ENOX1: variants seen among roughly 807,000 people sequenced by gnomAD.
ENOX1 encodes candidate growth-related and time keeping constitutive hydroquinone (NADH) oxidase.
A neutral mutation model predicts 82.5 loss-of-function variants in ENOX1; 42 were observed. The ratio of observed to expected loss-of-function variants is 0.51; its 90% CI spans 0.40 to 0.66. The LOEUF (loss-of-function observed/expected upper bound fraction) is 0.66, where lower values mean the gene tolerates loss of function less well. Among genes scored for constraint, ENOX1 ranks in the 30% least tolerant of loss-of-function variants. ENOX1 has a pLI of 0.00. For missense variants in ENOX1, 608 were observed against 811.6 expected (o/e 0.75, Z 3.05); for synonymous variants, 271 against 282.2 (o/e 0.96, Z 0.40).
intron 1 of ENOX1, among the ~76,000 whole-genome samples, chr13:43,670,637 TG>T (rs2085214695): frequency 2.0e-5 from 3 of 152,026 alleles, no homozygotes; most frequent in Non-Finnish European, 4.4e-5. Flanking sequence ...GTGGATCACT[TG>T]AGGTCAGGAG....
chr13:43,226,607 G>A (rs2042034726), intron 15 of ENOX1, among the ~76,000 whole-genome samples: 1 of 152,240 alleles, frequency 6.6e-6, no homozygotes, highest in African/African-American at 2.4e-5. Context: ...GGTGAGTGGG[G>A]CTTTCACTGA....
chr13:43,693,713 T>C (rs1438588367), intron 1 of ENOX1, among the ~76,000 whole-genome samples: 1 of 152,190 alleles, frequency 6.6e-6, no homozygotes, highest in Admixed American at 6.5e-5. Flanking sequence ...ATGCACAGGT[T>C]ACCAGGACAT....
At chr13:43,593,324 C>T (rs983602754) in intron 2 of ENOX1, among the ~76,000 whole-genome samples, 1 of 152,038 alleles carries the variant, frequency 6.6e-6, no homozygotes, top group Non-Finnish European at 1.5e-5. Flanking sequence ...CATCAGAGAT[C>T]AGAAATAAAA....
At chr13:43,707,731 C>CAAAAAAA (rs1379285097) in intron 1 of ENOX1, among the ~76,000 whole-genome samples, 2 of 49,218 alleles carry the variant, frequency 4.1e-5, no homozygotes, top group Non-Finnish European at 7.5e-5. Context: ...GACTCTGTCT[C>CAAAAAAA]AAAAAAAAAA....
intron 11 of ENOX1, among the ~76,000 whole-genome samples, chr13:43,311,355 G>A (rs1369361555): frequency 8.3e-5 from 4 of 48,044 alleles, no homozygotes; most frequent in Non-Finnish European, 1.4e-4. Context: ...GATTAAATAG[G>A]TAATAGGGTT....
intron 3 of ENOX1, among the ~76,000 whole-genome samples, chr13:43,428,386 T>A (rs1326546928): frequency 6.6e-6 from 1 of 152,174 alleles, no homozygotes; most frequent in African/African-American, 2.4e-5. Flanking sequence ...GAGCTTGGGA[T>A]AAAGAAGGTA....
chr13:43,528,242 G>A (rs928385377), intron 2 of ENOX1, among the ~76,000 whole-genome samples: 1 of 152,066 alleles, frequency 6.6e-6, no homozygotes, highest in Non-Finnish European at 1.5e-5. Context: ...AAAGGGTACA[G>A]AAGCCAACAG....
intron 11 of ENOX1, among the ~76,000 whole-genome samples, chr13:43,306,867 TG>T (rs2046900294): frequency 1.3e-5 from 2 of 152,198 alleles, no homozygotes; most frequent in Non-Finnish European, 2.9e-5. Flanking sequence ...GTATTTGAAT[TG>T]GTGCTTCTAC....
At chr13:43,445,037 G>T (rs1193605274) in intron 3 of ENOX1, among the ~76,000 whole-genome samples, 1 of 152,066 alleles carries the variant, frequency 6.6e-6, no homozygotes, top group African/African-American at 2.4e-5. Context: ...GACTGGACTG[G>T]ACTCTTTTCC....
chr13:43,628,674 A>G (rs1594172042), intron 2 of ENOX1, among the ~76,000 whole-genome samples: 1 of 152,214 alleles, frequency 6.6e-6, no homozygotes, highest in East Asian at 1.9e-4. Context: ...GAGATTTTCA[A>G]TTGAAAGCTG....
intron 3 of ENOX1, among the ~76,000 whole-genome samples, chr13:43,473,625 C>A (rs766614083): frequency 6.6e-6 from 1 of 152,284 alleles, no homozygotes; most frequent in East Asian, 1.9e-4. Flanking sequence ...CTCCAGCATA[C>A]GCACTCATCT....
chr13:43,706,406 A>G (rs1056956828), intron 1 of ENOX1, among the ~76,000 whole-genome samples: 1 of 152,048 alleles, frequency 6.6e-6, no homozygotes, highest in Non-Finnish European at 1.5e-5. Context: ...AACACAATTT[A>G]CAATTATCAC....
At chr13:43,756,412 G>A (rs1286281875) in intron 1 of ENOX1, among the ~76,000 whole-genome samples, 7 of 145,794 alleles carry the variant, frequency 4.8e-5, no homozygotes, top group Non-Finnish European at 7.5e-5. Context: ...CGGCCTGGGC[G>A]ACAGAGCGAG....
Position 43,645,328 on chromosome 13 carries a change from AT to A in ENOX1, c.-219+22150del, listed in dbSNP as rs558122865. ...AGGTGCATGCCACGATGTCCAGTTA[AT>A]TTTTTTTTTAAGAGAGGTAAGTTCT... On this transcript the variant is annotated intron_variant, in intron 2 of 16. Transcript: ENST00000690772. 1.7e-3 allele frequency among the ~76,000 whole-genome samples: 257 copies of A among 149,596 alleles called. 1 individual carries two copies. Among genetic ancestry groups the A allele is most frequent in the African/African-American group, 4.9e-3 (200 of 40,810 alleles).
chr13:43,706,891 T>C (rs942880002), intron 1 of ENOX1, among the ~76,000 whole-genome samples: 1 of 152,072 alleles, frequency 6.6e-6, no homozygotes, highest in Admixed American at 6.6e-5. Flanking sequence ...GATAGTGCAG[T>C]AAGGCAAGAA....
chr13:43,725,930 G>A (rs1338090083), intron 1 of ENOX1, among the ~76,000 whole-genome samples: 1 of 151,374 alleles, frequency 6.6e-6, no homozygotes, highest in Non-Finnish European at 1.5e-5. Context: ...TTATGCCACT[G>A]CACTCCAGCC....
chr13:43,630,781 T>C (rs2083170737), intron 2 of ENOX1, among the ~76,000 whole-genome samples: 1 of 151,900 alleles, frequency 6.6e-6, no homozygotes, highest in Non-Finnish European at 1.5e-5. Context: ...CTGTAAAATG[T>C]TTTTTGGAAT....
chr13:43,528,850 CT>C (rs2078089826), intron 2 of ENOX1, among the ~76,000 whole-genome samples: 1 of 151,954 alleles, frequency 6.6e-6, no homozygotes, highest in African/African-American at 2.4e-5. Context: ...GGTTATTTGT[CT>C]TTCATCATGC....
intron 2 of ENOX1, among the ~76,000 whole-genome samples, chr13:43,517,252 T>G (rs2077589268): frequency 2.0e-5 from 3 of 152,138 alleles, no homozygotes; most frequent in African/African-American, 7.2e-5. Context: ...ATCCCAGCAC[T>G]TTGGGAGGCC....
Sources: allele counts gnomAD v4.1 joint callset (sites outside exome capture counted in the v4.1 genomes callset), GRCh38; gene constraint gnomAD v4.1.1; transcripts MANE v1.5; gene names NCBI Gene and HGNC (gene_info 2026-07-23, HGNC 2026-07-21).